PTPRD: variants seen among roughly 807,000 people sequenced by gnomAD.
The protein encoded by PTPRD is receptor-type tyrosine-protein phosphatase delta.
PTPRD carries 34 observed loss-of-function variants against 214.5 expected under a neutral mutation model. That is an observed-to-expected ratio of 0.16 (90% CI 0.12 to 0.21). PTPRD has a LOEUF of 0.21. Ranked by LOEUF, PTPRD falls within the 10% of genes least tolerant of loss-of-function variation. PTPRD has a pLI of 1.00. For missense variants in PTPRD, 2,545 were observed against 2,398.7 expected (o/e 1.06, Z -1.27); for synonymous variants, 1,128 against 845.7 (o/e 1.33, Z -5.79).
chr9:9,820,483 T>C (rs1291894806), intron 5 of PTPRD, among the ~76,000 whole-genome samples: 2 of 152,160 alleles, frequency 1.3e-5, no homozygotes, highest in African/African-American at 4.8e-5. Flanking sequence ...AGCTCTTTAG[T>C]TTAATTAGGT....
intron 10 of PTPRD, among the ~76,000 whole-genome samples, chr9:9,021,353 A>C (rs1001676531): frequency 2.6e-5 from 4 of 152,196 alleles, no homozygotes; most frequent in Non-Finnish European, 5.9e-5. Flanking sequence ...AGCACATACA[A>C]TTATGTATGG....
In PTPRD at chr9:8,553,019, A is replaced by C. The variant is rs1305453007; in HGVS notation, c.353-24240T>G. 5.9e-5 allele frequency among the ~76,000 whole-genome samples: 9 copies of C among 152,214 alleles called. No individual in the cohort carries two copies. In the East Asian group the frequency reaches 1.5e-3, roughly 26 times the overall value. ...ATGACCACAGACCCAAGAGAGAGACAGTATAAATCACTTGAGCTGGCCCAG... is the reference window on the plus strand; with the variant it reads ...ATGACCACAGACCCAAGAGAGAGACCGTATAAATCACTTGAGCTGGCCCAG... On this transcript the variant is annotated intron_variant, in intron 14 of 45. Transcript: ENST00000381196.
intron 8 of PTPRD, among the ~76,000 whole-genome samples, chr9:9,506,493 A>G (rs997011840): frequency 1.3e-5 from 2 of 151,442 alleles, no homozygotes; most frequent in Non-Finnish European, 1.5e-5. Context: ...TTCTAAGATC[A>G]TGCTTCTTAT....
At chr9:9,757,987 T>A (rs1355925364) in intron 6 of PTPRD, among the ~76,000 whole-genome samples, 1 of 152,014 alleles carries the variant, frequency 6.6e-6, no homozygotes, top group African/African-American at 2.4e-5. Flanking sequence ...AACTTATCAG[T>A]GCTTACATTT....
Position 8,508,024 on chromosome 9 carries a change from T to C in PTPRD, c.1544-590A>G, listed in dbSNP as rs75744304. Among the ~76,000 whole-genome samples, 1,429 of 152,272 alleles carry C rather than the reference T, an allele frequency of 9.4e-3. 26 individuals carry two copies. The highest frequency in any genetic ancestry group is 0.032 in the African/African-American group (1,339 of 41,552). ...CAAAACAAAACAAAACTCTATCACT[T>C]ACAAATAATGACTTCTAATCTCTAA... On this transcript the variant is annotated intron_variant, in intron 21 of 45. Coordinates refer to ENST00000381196, the MANE Select transcript of PTPRD (RefSeq NM_002839.4).
chr9:10,215,295 C>T (rs1388891459), intron 3 of PTPRD, among the ~76,000 whole-genome samples: 3 of 151,516 alleles, frequency 2.0e-5, no homozygotes, highest in Non-Finnish European at 2.9e-5. Flanking sequence ...AAAAGCAAAG[C>T]TCTTCTAGGA....
chr9:8,364,639 C>G (rs550048116), intron 39 of PTPRD, among the ~76,000 whole-genome samples: 1 of 146,232 alleles, frequency 6.8e-6, no homozygotes, highest in Non-Finnish European at 1.5e-5. Flanking sequence ...TTTTAGTGGC[C>G]TGAAGTGGTT....
intron 5 of PTPRD, among the ~76,000 whole-genome samples, chr9:9,778,909 T>G (rs1410770255): frequency 6.6e-6 from 1 of 151,482 alleles, no homozygotes. Flanking sequence ...AAAGCAATCC[T>G]AAGTAAAAAG....
At chr9:10,069,371 C>T (rs2097949235) in intron 3 of PTPRD, among the ~76,000 whole-genome samples, 2 of 152,006 alleles carry the variant, frequency 1.3e-5, no homozygotes, top group South Asian at 4.1e-4. Context: ...AGGAATCAGG[C>T]TGTGAACATT....
At chr9:9,178,876 T>A (rs1053630069) in intron 10 of PTPRD, among the ~76,000 whole-genome samples, 1 of 152,122 alleles carries the variant, frequency 6.6e-6, no homozygotes, top group Non-Finnish European at 1.5e-5. Flanking sequence ...ACATACACAA[T>A]TAACCTTCCC....
intron 21 of PTPRD, among the ~76,000 whole-genome samples, chr9:8,516,652 A>G (rs567659494): frequency 6.6e-6 from 1 of 152,276 alleles, no homozygotes; most frequent in Non-Finnish European, 1.5e-5. Context: ...TCTACAGATT[A>G]TACTGTCTCC....
At chr9:9,632,718 G>C (rs2095631753) in intron 7 of PTPRD, among the ~76,000 whole-genome samples, 1 of 152,012 alleles carries the variant, frequency 6.6e-6, no homozygotes, top group African/African-American at 2.4e-5. Flanking sequence ...AATTTTACCA[G>C]GTGGTTCAAC....
At chr9:9,080,695 A>G (rs1239820905) in intron 10 of PTPRD, among the ~76,000 whole-genome samples, 1 of 152,000 alleles carries the variant, frequency 6.6e-6, no homozygotes, top group Non-Finnish European at 1.5e-5. Context: ...ACTGTGTACT[A>G]CATTGTTTTA....
At chr9:9,643,277 C>G (rs577615464) in intron 7 of PTPRD, among the ~76,000 whole-genome samples, 7 of 152,226 alleles carry the variant, frequency 4.6e-5, no homozygotes, top group African/African-American at 1.7e-4. Context: ...ATCTTGATGA[C>G]AAACTGCAAC....
chr9:9,891,505 T>G (rs1601143019), intron 5 of PTPRD, among the ~76,000 whole-genome samples: 2 of 152,224 alleles, frequency 1.3e-5, no homozygotes, highest in East Asian at 3.9e-4. Flanking sequence ...CTATGTATAT[T>G]TCTCTGCATA....
intron 4 of PTPRD, among the ~76,000 whole-genome samples, chr9:9,949,879 T>G (rs141570643): frequency 3.5e-4 from 53 of 152,344 alleles, no homozygotes; most frequent in African/African-American, 1.1e-3. Context: ...CATTGAGTTA[T>G]TGAATCATGG....
At chr9:9,517,725 T>C (rs1726927542) in intron 8 of PTPRD, among the ~76,000 whole-genome samples, 2 of 152,098 alleles carry the variant, frequency 1.3e-5, no homozygotes, top group Non-Finnish European at 2.9e-5. Context: ...TTGGAATTTA[T>C]TATGTAAAAA....
intron 7 of PTPRD, among the ~76,000 whole-genome samples, chr9:9,586,493 T>C (rs1165813331): frequency 6.6e-6 from 1 of 152,014 alleles, no homozygotes; most frequent in African/African-American, 2.4e-5. Flanking sequence ...TATTGCTTCT[T>C]CTGTCAGTTG....
At chr9:9,875,194 C>A (rs10114735) in intron 5 of PTPRD, among the ~76,000 whole-genome samples, 3,754 of 152,016 alleles carry the variant, frequency 0.025, 58 homozygotes, top group Middle Eastern at 0.044. Flanking sequence ...CAACTTGGGG[C>A]CCTAGATAAT....
Sources: gnomAD v4.1 joint callset for allele counts (sites outside exome capture counted in the v4.1 genomes callset) on GRCh38, gnomAD v4.1.1 for gene constraint, MANE v1.5 for transcripts, NCBI Gene and HGNC (gene_info 2026-07-23, HGNC 2026-07-21) for gene names.